The following DSCAM variants were observed in gnomAD, a reference collection of about 807,000 sequenced individuals.
DSCAM encodes the protein DS cell adhesion molecule.
DSCAM carries 47 observed loss-of-function variants against 217.7 expected under a neutral mutation model. The observed-to-expected ratio is 0.22, with a 90% confidence interval of 0.17 to 0.28. The LOEUF is 0.28. DSCAM is among the 10% of genes least tolerant of loss of function. The pLI is 1.00. For missense variants in DSCAM, 2,080 were observed against 2,618.3 expected (o/e 0.79, Z 4.49); for synonymous variants, 1,056 against 1,015.3 (o/e 1.04, Z -0.76).
chr21:40,066,334 C>T (rs1040407930), intron 27 of DSCAM, among the ~76,000 whole-genome samples: 17 of 152,250 alleles, frequency 1.1e-4, no homozygotes, highest in African/African-American at 4.1e-4. Flanking sequence ...AACCTGAAGT[C>T]ATTTGCCAGC....
chr21:40,643,313 A>T (rs564773469), intron 3 of DSCAM, among the ~76,000 whole-genome samples: 1 of 152,310 alleles, frequency 6.6e-6, no homozygotes, highest in South Asian at 2.1e-4. Context: ...AGCTTGGAGA[A>T]ACAACATATT....
intron 1 of DSCAM, among the ~76,000 whole-genome samples, chr21:40,710,950 C>G (rs1171170766): frequency 6.6e-6 from 1 of 152,220 alleles, no homozygotes; most frequent in Non-Finnish European, 1.5e-5. Context: ...AGATGAACAA[C>G]AGCTCCGCTA....
chr21:40,106,493 T>A (rs544666936), intron 20 of DSCAM, among the ~76,000 whole-genome samples: 1 of 152,260 alleles, frequency 6.6e-6, no homozygotes, highest in East Asian at 1.9e-4. Context: ...ATAGAACGAG[T>A]TAGGAAGGAG....
chr21:40,506,837 T>C (rs1467508781), intron 3 of DSCAM, among the ~76,000 whole-genome samples: 2 of 152,136 alleles, frequency 1.3e-5, no homozygotes, highest in Non-Finnish European at 2.9e-5. Context: ...CAACTTTAAA[T>C]ATAATACAAA....
At chr21:40,433,273 C>T (rs773135597) in intron 3 of DSCAM, among the ~76,000 whole-genome samples, 8 of 147,184 alleles carry the variant, frequency 5.4e-5, no homozygotes, top group Non-Finnish European at 8.9e-5. Context: ...TGCTTGAACT[C>T]GGGAGGTGGA....
chr21:40,685,359 C>A (rs575440048), intron 3 of DSCAM, among the ~76,000 whole-genome samples: 2 of 152,238 alleles, frequency 1.3e-5, no homozygotes, highest in African/African-American at 4.8e-5. Context: ...TGGCTCACTG[C>A]CTGAACTGCA....
chr21:40,276,019 T>A (rs1270720679), intron 11 of DSCAM, 78 bp downstream of exon 11: 2 of 1,421,588 alleles, frequency 1.4e-6, no homozygotes, highest in East Asian at 2.4e-5. Flanking sequence ...CAGGTATGTA[T>A]GGAGACAATT....
chr21:40,065,665 C>T (rs1214327528), intron 27 of DSCAM, among the ~76,000 whole-genome samples: 1 of 152,162 alleles, frequency 6.6e-6, no homozygotes, highest in African/African-American at 2.4e-5. Flanking sequence ...TACTCTCCTG[C>T]CTTCCAGGTC....
At position 40,598,829 on chromosome 21, in the gene DSCAM, C is replaced by T. The variant is rs577922035; in HGVS notation, c.508+93981G>A. Among the ~76,000 whole-genome samples, 9 of 152,048 alleles carry T rather than the reference C, an allele frequency of 5.9e-5. No individual in the cohort carries two copies. In the East Asian group the frequency reaches 1.4e-3, roughly 23 times the overall value. On this transcript the variant is annotated intron_variant, in intron 3 of 32. Transcript: ENST00000400454. ...AAACTGTCTTTTAAAGTGACTCTGC[C>T]GTCTCTGTTACTCCACATCTCATCA...
At chr21:40,259,917 C>T (rs745878995) in intron 11 of DSCAM, among the ~76,000 whole-genome samples, 36 of 151,866 alleles carry the variant, frequency 2.4e-4, no homozygotes, top group African/African-American at 3.6e-4. Context: ...TTAGTAGAGA[C>T]GGGATTTCAC....
At chr21:40,560,475 C>T (rs1385440421) in intron 3 of DSCAM, among the ~76,000 whole-genome samples, 3 of 152,290 alleles carry the variant, frequency 2.0e-5, no homozygotes, top group African/African-American at 4.8e-5. Flanking sequence ...CCACCCCATC[C>T]GTACTGAACC....
intron 10 of DSCAM, among the ~76,000 whole-genome samples, chr21:40,287,439 T>C (rs991842734): frequency 3.3e-5 from 5 of 152,128 alleles, no homozygotes; most frequent in Admixed American, 3.3e-4. Flanking sequence ...TCCAGGGATG[T>C]CCCCTGGACA....
At chr21:40,464,826 T>C (rs62225472) in intron 3 of DSCAM, among the ~76,000 whole-genome samples, 33,584 of 151,420 alleles carry the variant, frequency 0.22, 4,814 homozygotes, top group African/African-American at 0.4. Flanking sequence ...CTGCAACCTC[T>C]GCCTCCCAGA....
chr21:40,149,045 A>G (rs1056487069), intron 16 of DSCAM, among the ~76,000 whole-genome samples: 1 of 152,014 alleles, frequency 6.6e-6, no homozygotes, highest in Non-Finnish European at 1.5e-5. Context: ...CAACAACACT[A>G]TCACCACCAC....
At chr21:40,439,981 T>G (rs2075616470) in intron 3 of DSCAM, among the ~76,000 whole-genome samples, 1 of 152,206 alleles carries the variant, frequency 6.6e-6, no homozygotes, top group African/African-American at 2.4e-5. Context: ...TTCCCAATGC[T>G]CTGTGCCTCA....
Position 40,652,410 on chromosome 21 carries a change from T to C in DSCAM, c.508+40400A>G, listed in dbSNP as rs2090026750. Among the ~76,000 whole-genome samples, 3 of 151,958 alleles carry C rather than the reference T, an allele frequency of 2.0e-5. No homozygotes were observed. The South Asian group carries it at 6.2e-4, about 32-fold the overall frequency. The stretch of plus-strand genomic sequence containing the variant: ...TGCTTTGAGCTTCAAAAGCCTAATC[T>C]CTGTGTCATGTCATTTAGTTGATGA... On this transcript the variant is annotated intron_variant, in intron 3 of 32. Transcript: ENST00000400454.
At chr21:40,311,187 C>T (rs1601540063) in intron 9 of DSCAM, among the ~76,000 whole-genome samples, 1 of 152,188 alleles carries the variant, frequency 6.6e-6, no homozygotes, top group African/African-American at 2.4e-5. Flanking sequence ...TCTGGGACCA[C>T]AATCTGGGGA....
chr21:40,399,447 C>G (rs746355486), intron 3 of DSCAM, among the ~76,000 whole-genome samples: 10 of 152,190 alleles, frequency 6.6e-5, no homozygotes, highest in Non-Finnish European at 1.5e-4. Context: ...AGGAAATCCA[C>G]CTACTTAAAC....
chr21:40,809,422 C>A (rs555583161), intron 1 of DSCAM, among the ~76,000 whole-genome samples: 1 of 152,188 alleles, frequency 6.6e-6, no homozygotes, highest in South Asian at 2.1e-4. Flanking sequence ...GGGGGTAGTT[C>A]TAAAAGGGCG....
Sources: gnomAD v4.1 joint callset for allele counts (sites outside exome capture counted in the v4.1 genomes callset) on GRCh38, gnomAD v4.1.1 for gene constraint, MANE v1.5 for transcripts, NCBI Gene and HGNC (gene_info 2026-07-23, HGNC 2026-07-21) for gene names.